LCORL: variants seen among roughly 807,000 people sequenced by gnomAD.
LCORL encodes ligand-dependent nuclear receptor corepressor-like protein.
LCORL carries 41 observed loss-of-function variants against 141.8 expected under a neutral mutation model. The ratio of observed to expected loss-of-function variants is 0.29; its 90% confidence interval spans 0.23 to 0.38. LCORL has a LOEUF of 0.38. LCORL is among the 10% of genes least tolerant of loss of function. LCORL has a pLI of 1.00. For synonymous variants in LCORL, 618 were observed against 694.1 expected, an observed-to-expected ratio of 0.89 and a Z score of 1.72; for missense variants, 1,759 against 2,035.0, an observed-to-expected ratio of 0.86 and a Z score of 2.61.
At chr4:17,993,813 TGAGAG>T (rs1046345131) in intron 1 of LCORL, among the ~76,000 whole-genome samples, 2 of 152,004 alleles carry the variant, frequency 1.3e-5, no homozygotes, top group African/African-American at 4.8e-5. Context: ...CAAAAATACA[TGAGAG>T]GAAAGACAAG....
intron 1 of LCORL, among the ~76,000 whole-genome samples, chr4:18,005,931 T>C (rs1302216902): frequency 6.6e-6 from 1 of 152,236 alleles, no homozygotes; most frequent in African/African-American, 2.4e-5. Context: ...GGGATTAACA[T>C]TCGGCTCCTC....
chr4:17,962,284 T>C (rs762551531), intron 3 of LCORL, among the ~76,000 whole-genome samples: 1 of 150,922 alleles, frequency 6.6e-6, no homozygotes, highest in African/African-American at 2.4e-5. Flanking sequence ...ATATGAAACA[T>C]ACTGGTGAAT....
At chr4:17,934,336 T>G (rs1465348773) in intron 4 of LCORL, among the ~76,000 whole-genome samples, 1 of 152,140 alleles carries the variant, frequency 6.6e-6, no homozygotes, top group Non-Finnish European at 1.5e-5. Context: ...TATATGGGAA[T>G]TCTGTACTTC....
chr4:17,847,386 A>G (rs1277833683), intron 7 of LCORL, among the ~76,000 whole-genome samples: 1 of 152,142 alleles, frequency 6.6e-6, no homozygotes, highest in Non-Finnish European at 1.5e-5. Flanking sequence ...TCAACCAACC[A>G]ACTCATATGC....
At chr4:17,950,156 TTAAAG>T (rs774470174) in intron 4 of LCORL, among the ~76,000 whole-genome samples, 13 of 152,156 alleles carry the variant, frequency 8.5e-5, no homozygotes, top group African/African-American at 2.4e-4. Flanking sequence ...TCAAGAGCCC[TTAAAG>T]TAATGTTAAA....
At chr4:17,909,063 T>A (rs750186850) in intron 5 of LCORL, 31 bp downstream of exon 5, 9 of 1,537,128 alleles carry the variant, frequency 5.9e-6, no homozygotes, top group Admixed American at 4.4e-5. Context: ...AAACATCAAA[T>A]TATATATTAA....
intron 6 of LCORL, among the ~76,000 whole-genome samples, chr4:17,879,857 A>C (rs1727334899): frequency 6.6e-6 from 1 of 151,076 alleles, no homozygotes; most frequent in African/African-American, 2.4e-5. Flanking sequence ...TTTAACGATT[A>C]ATAATTGTTT....
Position 17,880,840 on chromosome 4 carries a change from T to C in LCORL, c.777-2627A>G, listed in dbSNP as rs1727471433. The C allele has an allele frequency of 1.4e-5, 12 of 854,636 alleles. No homozygotes were observed. In the South Asian group the frequency reaches 2.7e-4, roughly 19 times the overall value. 52.9% of individuals were successfully genotyped at this position (854,636 alleles called of 1,614,324 possible). On this transcript the variant is annotated intron_variant, in intron 6 of 7. Transcript: ENST00000635767. The stretch of plus-strand genomic sequence containing the variant: ...AGATACATGAATTCATTAGAAAATA[T>C]TGTAATAAATAATTCATGAATTATA...
rs1010202422 is a variant in LCORL at position 18,003,446 on chromosome 4, C to T, written c.154+18152G>A. 6.6e-5 allele frequency among the ~76,000 whole-genome samples: 10 copies of T among 152,196 alleles called. 1 individual carries two copies. The South Asian group carries it at 1.2e-3, about 19-fold the overall frequency. Reference sequence around the variant, plus strand: ...TGTTTGACTTGTGAAATTTAAGGTACGTTGAGATAAAGAACACCAGAGAAA... The same window carrying T: ...TGTTTGACTTGTGAAATTTAAGGTATGTTGAGATAAAGAACACCAGAGAAA... On this transcript the variant is annotated intron_variant, in intron 1 of 7. Transcript: ENST00000635767.
intron 3 of LCORL, among the ~76,000 whole-genome samples, chr4:17,962,589 A>G (rs1358592157): frequency 1.3e-5 from 2 of 152,074 alleles, no homozygotes; most frequent in Non-Finnish European, 1.5e-5. Context: ...CTAAAACAGC[A>G]CATTATTCCC....
Position 18,021,090 on chromosome 4 carries a change from A to C in LCORL, c.154+508T>G, listed in dbSNP as rs1725481184. 6.6e-6 allele frequency among the ~76,000 whole-genome samples: 1 copy of C among 151,874 alleles called. No homozygotes were observed. The highest frequency in any genetic ancestry group is 6.6e-5 in the Admixed American group (1 of 15,266). On this transcript the variant is annotated intron_variant, in intron 1 of 7. Coordinates refer to ENST00000635767, the Ensembl canonical transcript of LCORL. This position sits in a 1 kb window ranked among gnomAD's most constrained non-coding sequence, Gnocchi z 5.5. ...CGAGTGCCCGTGGGTCTCCAGGTCC[A>C]GGTCCCCGGGAACTGGCCGCGTCTG...
chr4:18,005,755 G>C (rs1034214378), intron 1 of LCORL, among the ~76,000 whole-genome samples: 2 of 152,108 alleles, frequency 1.3e-5, no homozygotes, highest in Non-Finnish European at 2.9e-5. Context: ...GTAATGGCTG[G>C]AGTGGCTCGG....
intron 7 of LCORL, among the ~76,000 whole-genome samples, chr4:17,872,462 A>G (rs987797545): frequency 1.3e-5 from 2 of 152,138 alleles, no homozygotes; most frequent in Admixed American, 6.5e-5. Context: ...CAAATCTCAT[A>G]GCGCTTTAAG....
At chr4:17,908,518 C>T (rs537219718) in intron 5 of LCORL, among the ~76,000 whole-genome samples, 1 of 152,280 alleles carries the variant, frequency 6.6e-6, no homozygotes, top group Admixed American at 6.5e-5. Flanking sequence ...ACTTAAAAGG[C>T]TCTTCTTCTT....
intron 1 of LCORL, among the ~76,000 whole-genome samples, chr4:17,984,115 A>T (rs1278829010): frequency 6.6e-6 from 1 of 152,174 alleles, no homozygotes; most frequent in Non-Finnish European, 1.5e-5. Flanking sequence ...CCAGGGATAA[A>T]GCCTACCTGA....
intron 4 of LCORL, among the ~76,000 whole-genome samples, chr4:17,911,374 C>A (rs1188998741): frequency 6.6e-6 from 1 of 152,034 alleles, no homozygotes; most frequent in Non-Finnish European, 1.5e-5. Context: ...ATGTTTTGCA[C>A]CAAAATAAAC....
At position 18,021,235 on chromosome 4, in the gene LCORL, C is replaced by G. The variant is rs565984112; in HGVS notation, c.154+363G>C. Among the ~76,000 whole-genome samples, 7 of 152,212 alleles carry G rather than the reference C, an allele frequency of 4.6e-5. No homozygotes were observed. In the East Asian group the frequency reaches 1.4e-3, roughly 30 times the overall value. On this transcript the variant is annotated intron_variant, in intron 1 of 7. Coordinates refer to ENST00000635767, the Ensembl canonical transcript of LCORL. The surrounding 1 kb of genome is among the most constrained non-coding windows in gnomAD (Gnocchi z 5.5). ...CTCCTCCGCCAGGGCGCCGACCCAC[C>G]GGGCCGCTTCCTCCGTCCTGTCAGG...
chr4:17,998,979 A>AT (rs1721382958), intron 1 of LCORL, among the ~76,000 whole-genome samples: 1 of 68,464 alleles, frequency 1.5e-5, no homozygotes, highest in Non-Finnish European at 3.1e-5. Flanking sequence ...AAAAAAAAAA[A>AT]AAAAAAATAT....
chr4:17,890,774 A>T (rs902353960), intron 5 of LCORL, among the ~76,000 whole-genome samples: 5 of 152,236 alleles, frequency 3.3e-5, no homozygotes, highest in South Asian at 4.1e-4. Context: ...GACGTTTCAA[A>T]AATTGAAGTC....
Sources: gnomAD v4.1 joint callset for allele counts (sites outside exome capture counted in the v4.1 genomes callset) on GRCh38, gnomAD v4.1.1 for gene constraint, Gnocchi (gnomAD v3.1) non-coding constraint, MANE v1.5 for transcripts, NCBI Gene and HGNC (gene_info 2026-07-23, HGNC 2026-07-21) for gene names.